Variants in IL13RA1 observed in about 807,000 individuals in gnomAD.
IL13RA1 encodes the protein interleukin 13 receptor subunit alpha 1, also known as interleukin-13 receptor subunit alpha-1.
IL13RA1 carries 14 observed loss-of-function variants against 33.8 expected under a neutral mutation model. That is an observed-to-expected ratio of 0.41 (90% CI 0.27 to 0.65). IL13RA1 has a LOEUF of 0.65. Among genes scored for constraint, IL13RA1 ranks in the 30% least tolerant of loss-of-function variants. The pLI, the probability that IL13RA1 is intolerant of heterozygous loss-of-function variation, is 0.28. For synonymous variants in IL13RA1, 116 were observed against 115.7 expected (o/e 1.00, Z -0.02); for missense variants, 313 against 327.0 (o/e 0.96, Z 0.33).
chrX:118,733,514 T>C (rs1290697044), intron 1 of IL13RA1, among the ~76,000 whole-genome samples: 1 of 112,084 alleles, frequency 8.9e-6, no homozygotes, highest in East Asian at 2.8e-4. Context: ...GCATTCTCTG[T>C]ATATTCTGGA....
intron 2 of IL13RA1, among the ~76,000 whole-genome samples, chrX:118,742,145 T>C (rs986780499): frequency 2.7e-5 from 3 of 112,394 alleles, no homozygotes; most frequent in Middle Eastern, 4.6e-3. Flanking sequence ...ATGCTCTTCC[T>C]CTGGAGGGAA....
downstream of IL13RA1, among the ~76,000 whole-genome samples, chrX:118,797,307 G>A (rs770614710): frequency 8.9e-6 from 1 of 112,122 alleles, no homozygotes; most frequent in Non-Finnish European, 1.9e-5. Flanking sequence ...AGGATGTAGC[G>A]AAACTGCCAA....
chrX:118,756,576 C>A (rs943477434), intron 4 of IL13RA1, among the ~76,000 whole-genome samples: 1 of 111,294 alleles, frequency 9.0e-6, no homozygotes, highest in South Asian at 3.8e-4. Flanking sequence ...GCAATGGAGC[C>A]TGTAGTCATT....
At chrX:118,740,762 T>C (rs983275461) in intron 1 of IL13RA1, among the ~76,000 whole-genome samples, 2 of 112,089 alleles carry the variant, frequency 1.8e-5, no homozygotes, top group Non-Finnish European at 3.8e-5. Flanking sequence ...CAGCCTGGGT[T>C]ACAAAGTGAG....
intron 2 of IL13RA1, among the ~76,000 whole-genome samples, chrX:118,741,486 T>C (rs1438880383): frequency 8.9e-6 from 1 of 112,129 alleles, no homozygotes; most frequent in Non-Finnish European, 1.9e-5. Flanking sequence ...TGTATCTATA[T>C]AACACTTAAT....
At chrX:118,769,264 T>C (rs185664315) in intron 8 of IL13RA1, among the ~76,000 whole-genome samples, 7 of 112,462 alleles carry the variant, frequency 6.2e-5, no homozygotes, top group Admixed American at 2.8e-4. Context: ...TTTCTAGATG[T>C]TCATGACCTA....
chrX:118,729,961 C>T (rs922460398), intron 1 of IL13RA1, among the ~76,000 whole-genome samples: 2 of 112,056 alleles, frequency 1.8e-5, no homozygotes, highest in African/African-American at 6.5e-5. Flanking sequence ...CAGGGCAGGA[C>T]GGCTTGGGAC....
intron 1 of IL13RA1, among the ~76,000 whole-genome samples, chrX:118,734,841 C>A (rs768174900): frequency 9.0e-6 from 1 of 111,393 alleles, no homozygotes; most frequent in Non-Finnish European, 1.9e-5. Context: ...GAATGAGTTA[C>A]GAAGTTTGAG....
Position 118,773,969 on chromosome X carries a change from TAAAA to T in IL13RA1, c.1102_1105del (p.Lys368GlyfsTer48). ...GCAATCATAGTACTCCTGCTTTACC[TAAAA>T]AGGTAAGGTAGCTGCCCAGGCAGGT... On this transcript the variant is annotated frameshift_variant and splice_region_variant, in exon 9 of 11. Transcript: ENST00000371666. LOFTEE classifies it high-confidence loss of function. The T allele has an allele frequency of 1.1e-6, 1 of 935,139 alleles. No homozygotes were observed. Among genetic ancestry groups the T allele is most frequent in the Non-Finnish European group, 1.6e-6 (1 of 644,854 alleles). 77.1% of individuals were successfully genotyped at this position (935,139 alleles called of 1,213,427 possible). A position where few individuals can be genotyped will look rare whatever the true frequency, so the allele number is the denominator to read the frequency against.
intron 6 of IL13RA1, among the ~76,000 whole-genome samples, chrX:118,764,020 C>CT (rs897645108): frequency 2.5e-3 from 276 of 109,020 alleles, no homozygotes; most frequent in African/African-American, 7.6e-3. Flanking sequence ...TTAGATTTTT[C>CT]TTTTTTTTTC....
intron 3 of IL13RA1, among the ~76,000 whole-genome samples, chrX:118,748,347 C>T (rs1259174124): frequency 1.1e-5 from 1 of 91,600 alleles, no homozygotes; most frequent in Admixed American, 1.4e-4. Flanking sequence ...ATTCTCCTTT[C>T]CTTAGGAGTT....
At chrX:118,776,541 GTTTTTTTTT>G (rs5903529) in intron 10 of IL13RA1, 30 bp downstream of exon 10, 15 of 219,759 alleles carry the variant, frequency 6.8e-5, no homozygotes, top group African/African-American at 5.3e-4. Flanking sequence ...GGCTTGAAAT[GTTTTTTTTT>G]TTTTTTTTTT....
intron 4 of IL13RA1, 100 bp downstream of exon 4, chrX:118,749,878 C>T: frequency 3.6e-6 from 2 of 552,618 alleles, no homozygotes; most frequent in Non-Finnish European, 5.8e-6. Flanking sequence ...TTAATTTTTT[C>T]TGCAAACTCA....
chrX:118,739,285 G>A (rs1463089058), intron 1 of IL13RA1, among the ~76,000 whole-genome samples: 1 of 112,060 alleles, frequency 8.9e-6, no homozygotes, highest in Non-Finnish European at 1.9e-5. Context: ...TAGCTGCTAT[G>A]TATAAAATTG....
chrX:118,800,521 A>AGGAAGGT, the IL13RA1 span, among the ~76,000 whole-genome samples: 2 of 110,747 alleles, frequency 1.8e-5, no homozygotes, highest in Non-Finnish European at 3.8e-5. Flanking sequence ...ACCCACCAGA[A>AGGAAGGT]GGAAGAAACT....
chrX:118,738,587 A>G (rs1603207710), intron 1 of IL13RA1, among the ~76,000 whole-genome samples: 2 of 111,354 alleles, frequency 1.8e-5, no homozygotes, highest in African/African-American at 3.3e-5. Flanking sequence ...ATTCCATGGT[A>G]TATATGTGCC....
At chrX:118,747,813 C>T (rs891789282) in intron 3 of IL13RA1, among the ~76,000 whole-genome samples, 12 of 110,361 alleles carry the variant, frequency 1.1e-4, no homozygotes, top group African/African-American at 3.9e-4. Context: ...AACCAACTGT[C>T]TAACTTTAAA....
intron 3 of IL13RA1, 30 bp from the exon 4 acceptor site, chrX:118,749,628 G>A: frequency 8.4e-7 from 1 of 1,194,809 alleles, no homozygotes; most frequent in Non-Finnish European, 1.1e-6. Flanking sequence ...AGGAAAGAAG[G>A]GTCTTAAACT....
intron 10 of IL13RA1, among the ~76,000 whole-genome samples, chrX:118,777,691 A>G (rs2017801262): frequency 8.9e-6 from 1 of 111,985 alleles, no homozygotes; most frequent in Admixed American, 9.5e-5. Context: ...CCCAACTGTT[A>G]TAGTTGGTTT....
Sources: allele counts gnomAD v4.1 joint callset (sites outside exome capture counted in the v4.1 genomes callset), GRCh38; gene constraint gnomAD v4.1.1; transcripts MANE v1.5; gene names NCBI Gene and HGNC (gene_info 2026-07-23, HGNC 2026-07-21).